Variants in MAGI1 observed in about 807,000 individuals in gnomAD.
MAGI1 encodes membrane-associated guanylate kinase, WW and PDZ domain-containing protein 1.
A neutral mutation model predicts 139.9 loss-of-function variants in MAGI1; 58 were observed. The observed-to-expected ratio is 0.41, with a 90% confidence interval of 0.34 to 0.52. The LOEUF (loss-of-function observed/expected upper bound fraction) is 0.52. Among genes scored for constraint, MAGI1 ranks in the 20% least tolerant of loss-of-function variants. The pLI, the probability that MAGI1 is intolerant of heterozygous loss-of-function variation, is 0.12. For synonymous variants in MAGI1, 812 were observed against 737.9 expected (o/e 1.10, Z -1.63); for missense variants, 1,874 against 1,901.6 (o/e 0.99, Z 0.27).
intron 1 of MAGI1, among the ~76,000 whole-genome samples, chr3:66,017,342 A>T (rs373586674): frequency 6.6e-6 from 1 of 152,222 alleles, no homozygotes; most frequent in African/African-American, 2.4e-5. Context: ...GCTCGCAGTG[A>T]AACCATCGCC....
chr3:65,847,700 T>G (rs1330718494), intron 1 of MAGI1, among the ~76,000 whole-genome samples: 1 of 152,240 alleles, frequency 6.6e-6, no homozygotes, highest in Non-Finnish European at 1.5e-5. Flanking sequence ...CTCAATCGTT[T>G]ATTTATTCTT....
chr3:65,453,210 G>T (rs746190992), intron 6 of MAGI1, 48 bp downstream of exon 6: 2 of 1,542,418 alleles, frequency 1.3e-6, no homozygotes, highest in South Asian at 2.2e-5. Context: ...TTGCACATGT[G>T]AACAGTGCCC....
intron 1 of MAGI1, among the ~76,000 whole-genome samples, chr3:65,701,188 G>GA (rs141522683): frequency 0.29 from 43,631 of 151,982 alleles, 7,878 homozygotes; most frequent in South Asian, 0.44. Flanking sequence ...GTTTACTAAT[G>GA]AAAAAAACTG....
intron 1 of MAGI1, among the ~76,000 whole-genome samples, chr3:65,641,840 C>G (rs1362520410): frequency 6.6e-6 from 1 of 152,182 alleles, no homozygotes; most frequent in Non-Finnish European, 1.5e-5. Context: ...CACTGTGGCT[C>G]AGCCACGCTT....
intron 1 of MAGI1, among the ~76,000 whole-genome samples, chr3:65,772,323 T>C (rs926124777): frequency 1.3e-5 from 2 of 152,246 alleles, no homozygotes; most frequent in Admixed American, 6.5e-5. Context: ...CCTGTTAACA[T>C]TGTCAGACCA....
At chr3:65,436,994 T>G (rs1575739409) in intron 10 of MAGI1, among the ~76,000 whole-genome samples, 161 bp downstream of exon 10, 1 of 152,236 alleles carries the variant, frequency 6.6e-6, no homozygotes, top group African/African-American at 2.4e-5. Flanking sequence ...TAATTTTTCT[T>G]GACAAGTCTA....
At position 65,835,588 on chromosome 3, in the gene MAGI1, C is replaced by G. The variant is rs532834768; in HGVS notation, c.313+202408G>C. ...TATGATAAAGGCCATTCGTGATAAG[C>G]CAGTGTTTGAAAACAGATGACTATA... On this transcript the variant is annotated intron_variant, in intron 1 of 22. Transcript: ENST00000402939. 2.6e-5 allele frequency among the ~76,000 whole-genome samples: 4 copies of G among 152,242 alleles called. No homozygotes were observed. The East Asian group carries it at 7.7e-4, about 29-fold the overall frequency.
At chr3:65,581,491 T>A (rs2081421565) in intron 2 of MAGI1, among the ~76,000 whole-genome samples, 1 of 152,146 alleles carries the variant, frequency 6.6e-6, no homozygotes, top group Admixed American at 6.5e-5. Flanking sequence ...TCTAGTACTT[T>A]CACTTCCTCT....
At chr3:65,420,064 C>T (rs995069277) in intron 12 of MAGI1, among the ~76,000 whole-genome samples, 1 of 152,146 alleles carries the variant, frequency 6.6e-6, no homozygotes, top group Non-Finnish European at 1.5e-5. Flanking sequence ...CAAAAGCCCT[C>T]ACAGGTCTCC....
chr3:65,360,713 C>A, intron 22 of MAGI1: 1 of 1,002,876 alleles, frequency 1.0e-6, no homozygotes, highest in Non-Finnish European at 1.2e-6. Context: ...GTATACAGAG[C>A]ATAAGGGAGG....
rs1000227596 is a variant in MAGI1 at position 65,470,388 on chromosome 3, T to A, written c.854A>T (p.Gln285Leu). The change falls in exon 5 of 23, where the codon CAG becomes CTG. Residue 285 changes from glutamine (Q) to leucine (L), a missense_variant. Gln to Leu is a moderately radical substitution (Grantham distance 113). Coordinates refer to ENST00000402939, the MANE Select transcript of MAGI1 (RefSeq NM_001033057.2). ...AAGAGGTAGGTATTGAGGGAACTTCTGAGAAGGGTCCGTGATGGGAGCAGC... is the reference window on the plus strand; with the variant it reads ...AAGAGGTAGGTATTGAGGGAACTTCAGAGAAGGGTCCGTGATGGGAGCAGC... ...IIAAPITDPS[Q>L]KFPQYLPLSA... 4 of 1,613,836 alleles carry A rather than the reference T, an allele frequency of 2.5e-6. No homozygotes were observed. The African/African-American group carries it at 5.3e-5, about 22-fold the overall frequency.
At position 65,363,486 on chromosome 3, in the gene MAGI1, C is replaced by G. The variant is rs778076526; in HGVS notation, c.3474G>C (p.Ala1158=). 6.2e-7 allele frequency: 1 copy of G among 1,613,312 alleles called. No individual in the cohort carries two copies. Among genetic ancestry groups the G allele is most frequent in the Admixed American group, 1.7e-5 (1 of 59,902 alleles). The change falls in exon 21 of 23, where the codon GCG becomes GCC. Residue 1158 remains alanine, a synonymous_variant. Transcript: ENST00000402939. ...YVLRLAEDGP[A]ERCGKMRIGD... Reference sequence around the variant, plus strand: ...TTACCCTCATCTTTCCACACCTCTCCGCAGGACCGTCCTCTGCTAAGCGCA... The same window carrying G: ...TTACCCTCATCTTTCCACACCTCTCGGCAGGACCGTCCTCTGCTAAGCGCA...
At position 65,364,670 on chromosome 3, in the gene MAGI1, T is replaced by C. The variant is rs1941238380; in HGVS notation, c.3346A>G (p.Thr1116Ala). The C allele has an allele frequency of 6.2e-7, 1 of 1,613,804 alleles. No homozygotes were observed. Among genetic ancestry groups the C allele is most frequent in the African/African-American group, 1.3e-5 (1 of 74,926 alleles). The change falls in exon 20 of 23, where the codon ACA becomes GCA. Residue 1116 changes from threonine (T) to alanine (A), a missense_variant. Thr to Ala is a moderately conservative substitution (Grantham distance 58). Transcript: ENST00000402939. Reference protein sequence around the residue: ...SQFEFKAPQATQEQDFYTVEL... With the variant: ...SQFEFKAPQAAQEQDFYTVEL... ...AAAAGAGACATGGTGCTCACCTGTG[T>C]TGCTTGGGGTGCTTTGAACTCAAAT... is the stretch of plus-strand genomic sequence containing the variant.
intron 2 of MAGI1, among the ~76,000 whole-genome samples, chr3:65,573,485 C>T (rs1292075583): frequency 6.6e-6 from 1 of 151,738 alleles, no homozygotes; most frequent in African/African-American, 2.4e-5. Flanking sequence ...TCCACATAGT[C>T]CTCTCAGTAG....
intron 1 of MAGI1, among the ~76,000 whole-genome samples, chr3:65,675,586 AAAAT>A (rs1239178103): frequency 2.0e-5 from 3 of 152,218 alleles, no homozygotes; most frequent in African/African-American, 7.2e-5. Context: ...GCAGAACAAA[AAAAT>A]AAACCCATCA....
chr3:65,909,799 G>T (rs1423957168), intron 1 of MAGI1, among the ~76,000 whole-genome samples: 1 of 151,904 alleles, frequency 6.6e-6, no homozygotes, highest in African/African-American at 2.4e-5. Flanking sequence ...AACCCAGATA[G>T]TATCTACACC....
At chr3:65,486,835 C>A (rs1269978923) in intron 3 of MAGI1, among the ~76,000 whole-genome samples, 2 of 152,114 alleles carry the variant, frequency 1.3e-5, no homozygotes, top group African/African-American at 4.8e-5. Context: ...AGGATGGAGT[C>A]CCTGCCCGGC....
intron 1 of MAGI1, among the ~76,000 whole-genome samples, chr3:65,630,052 C>T (rs2084204539): frequency 6.6e-6 from 1 of 152,164 alleles, no homozygotes; most frequent in African/African-American, 2.4e-5. Flanking sequence ...ATTTACAGCA[C>T]AATTAATATT....
chr3:65,992,289 A>G lies in MAGI1; in HGVS notation c.313+45707T>C, dbSNP rs187534275. On this transcript the variant is annotated intron_variant, in intron 1 of 22. Coordinates refer to ENST00000402939, the MANE Select transcript of MAGI1 (RefSeq NM_001033057.2). ...AATAACCCACACAGTTGCACATCTAAGGAAACAGTGACTCACCTATATCTT... is the reference window on the plus strand; with the variant it reads ...AATAACCCACACAGTTGCACATCTAGGGAAACAGTGACTCACCTATATCTT... 2.7e-4 allele frequency among the ~76,000 whole-genome samples: 41 copies of G among 152,352 alleles called. 1 individual carries two copies. In the East Asian group the frequency reaches 7.7e-3, roughly 29 times the overall value.
Sources: gnomAD v4.1 joint callset for allele counts (sites outside exome capture counted in the v4.1 genomes callset) on GRCh38, gnomAD v4.1.1 for gene constraint, MANE v1.5 for transcripts, NCBI Gene and HGNC (gene_info 2026-07-23, HGNC 2026-07-21) for gene names.